Variants in RAB27A observed in about 807,000 individuals in gnomAD.
The protein encoded by RAB27A is RAB27A, member RAS oncogene family.
A neutral mutation model predicts 20.8 loss-of-function variants in RAB27A; 17 were observed. That is an observed-to-expected ratio of 0.82 (90% CI 0.56 to 1.23). The LOEUF (loss-of-function observed/expected upper bound fraction) is 1.23. RAB27A is among the 50% of genes most tolerant of loss of function. The pLI is 0.00. For missense variants in RAB27A, 277 were observed against 266.7 expected (o/e 1.04, Z -0.27); for synonymous variants, 85 against 92.8 (o/e 0.92, Z 0.48).
chr15:55,308,797 G>A (rs549195778), intron 2 of RAB27A, among the ~76,000 whole-genome samples: 52 of 152,284 alleles, frequency 3.4e-4, no homozygotes, highest in African/African-American at 1.1e-3. Flanking sequence ...TCAGTATGCC[G>A]TTCACATCAT....
chr15:55,218,079 G>T (rs935211596), intron 6 of RAB27A, among the ~76,000 whole-genome samples: 2 of 152,182 alleles, frequency 1.3e-5, no homozygotes, highest in African/African-American at 4.8e-5. Flanking sequence ...CTAAATCTCA[G>T]TTAGAGGTTG....
At chr15:55,217,145 C>G (rs2140937751) in intron 6 of RAB27A, among the ~76,000 whole-genome samples, 1 of 152,312 alleles carries the variant, frequency 6.6e-6, no homozygotes, top group Non-Finnish European at 1.5e-5. Context: ...ACCTCTAGGT[C>G]ATGGGACCAG....
At chr15:55,295,856 A>G (rs1051109068) in intron 2 of RAB27A, among the ~76,000 whole-genome samples, 2 of 151,578 alleles carry the variant, frequency 1.3e-5, no homozygotes, top group African/African-American at 2.4e-5. Flanking sequence ...ATTTTTTGTG[A>G]TGCAGATTTT....
intron 1 of RAB27A, among the ~76,000 whole-genome samples, chr15:55,280,604 A>G (rs1385792306): frequency 6.6e-6 from 1 of 151,182 alleles, no homozygotes; most frequent in Non-Finnish European, 1.5e-5. Context: ...GGTTTGCTGC[A>G]CCCATCAACT....
chr15:55,257,467 C>A (rs2141055679), intron 2 of RAB27A, among the ~76,000 whole-genome samples: 1 of 152,350 alleles, frequency 6.6e-6, no homozygotes, highest in South Asian at 2.1e-4. Flanking sequence ...CTCAATTACA[C>A]AGGACATGAT....
chr15:55,279,178 A>C (rs1298955695), intron 1 of RAB27A, among the ~76,000 whole-genome samples: 1 of 152,160 alleles, frequency 6.6e-6, no homozygotes, highest in Non-Finnish European at 1.5e-5. Context: ...CTCTTAATAA[A>C]GGCCCCCATG....
intron 2 of RAB27A, among the ~76,000 whole-genome samples, chr15:55,269,005 A>G (rs912648596): frequency 6.6e-6 from 1 of 152,210 alleles, no homozygotes; most frequent in African/African-American, 2.4e-5. Context: ...GGATGGCATG[A>G]AGAGACATAG....
intron 1 of RAB27A, among the ~76,000 whole-genome samples, chr15:55,314,683 A>G (rs946513990): frequency 2.0e-5 from 3 of 152,196 alleles, no homozygotes; most frequent in Admixed American, 6.5e-5. Context: ...AACAGAATAA[A>G]ATGCTTAGGG....
intron 6 of RAB27A, among the ~76,000 whole-genome samples, chr15:55,222,936 CACTTTAAT>C (rs1490537800): frequency 6.6e-6 from 1 of 152,184 alleles, no homozygotes; most frequent in Non-Finnish European, 1.5e-5. Flanking sequence ...GCACCCTTAA[CACTTTAAT>C]ACTTTAATAA....
chr15:55,238,733 C>T (rs1454190803), intron 2 of RAB27A, among the ~76,000 whole-genome samples: 1 of 139,540 alleles, frequency 7.2e-6, no homozygotes, highest in Non-Finnish European at 1.5e-5. Context: ...TCAAAGTGGT[C>T]GGCTGAGTCA....
In RAB27A at chr15:55,277,246, G is replaced by T. The variant is rs540814575; in HGVS notation, c.-142-6962C>A. Among the ~76,000 whole-genome samples the T allele has an allele frequency of 5.1e-4, 78 of 152,268 alleles. No individual in the cohort carries two copies. In the South Asian group the frequency reaches 0.016, roughly 30 times the overall value. On this transcript the variant is annotated intron_variant, in intron 1 of 6. Coordinates refer to ENST00000336787, the MANE Select transcript of RAB27A (RefSeq NM_183235.3). Reference sequence around the variant, plus strand: ...TTAGAGACTAGATGTATAAACTACTGCAAGACTTCAGTGGTTAACTCTGGA... The same window carrying T: ...TTAGAGACTAGATGTATAAACTACTTCAAGACTTCAGTGGTTAACTCTGGA...
upstream of RAB27A, among the ~76,000 whole-genome samples, chr15:55,293,825 G>T (rs991534147): frequency 2.0e-5 from 3 of 152,128 alleles, no homozygotes; most frequent in African/African-American, 7.2e-5. Flanking sequence ...GTTGAAGCGG[G>T]AGAATTGCTT....
chr15:55,216,104 C>T (rs1895290745), intron 6 of RAB27A, among the ~76,000 whole-genome samples: 1 of 152,170 alleles, frequency 6.6e-6, no homozygotes, highest in Non-Finnish European at 1.5e-5. Context: ...TCAGTATCTT[C>T]TTGTAATGAT....
intron 6 of RAB27A, among the ~76,000 whole-genome samples, chr15:55,214,240 T>G (rs187266702): frequency 6.6e-4 from 100 of 152,226 alleles, no homozygotes; most frequent in East Asian, 5.6e-3. Flanking sequence ...ATCGAGACCA[T>G]CCTGGCTAAC....
intron 3 of RAB27A, among the ~76,000 whole-genome samples, chr15:55,233,749 G>A (rs1371330452): frequency 2.0e-5 from 3 of 152,184 alleles, no homozygotes; most frequent in East Asian, 1.9e-4. Context: ...ACACAACTCC[G>A]AATATATTAA....
chr15:55,205,575 G>T lies in RAB27A; in HGVS notation c.598C>A (p.Arg200=). The T allele has an allele frequency of 6.2e-7, 1 of 1,614,022 alleles. No homozygotes were observed. The highest frequency in any genetic ancestry group is 1.1e-5 in the South Asian group (1 of 91,072). ...TCCGTAGAGGCATGACCATTTGATC[G>T]CACCACTCCTTCAGGAATCCAGGAC... ...DKSWIPEGVV[R]SNGHASTDQL... is the part of the protein sequence containing the mutation. Residue 200 remains arginine (R), a synonymous_variant, in exon 7 of 7, where the codon CGA becomes AGA. Coordinates refer to ENST00000336787, the MANE Select transcript of RAB27A (RefSeq NM_183235.3).
At chr15:55,212,250 A>G (rs1311906971) in intron 6 of RAB27A, among the ~76,000 whole-genome samples, 2 of 152,190 alleles carry the variant, frequency 1.3e-5, no homozygotes, top group Admixed American at 1.3e-4. Flanking sequence ...CCAATTCACA[A>G]TGCTAGAAAG....
At chr15:55,239,529 T>C (rs540272837) in intron 2 of RAB27A, among the ~76,000 whole-genome samples, 4 of 152,202 alleles carry the variant, frequency 2.6e-5, no homozygotes, top group East Asian at 1.9e-4. Context: ...CAGTAAAGGA[T>C]TGGGAGAAAG....
intron 1 of RAB27A, chr15:55,288,933 C>T (rs1224341257): frequency 3.3e-5 from 5 of 152,208 alleles, no homozygotes; most frequent in African/African-American, 1.2e-4. Flanking sequence ...CCCCCAATTC[C>T]AACATCTGAC....
Sources: allele counts gnomAD v4.1 joint callset (sites outside exome capture counted in the v4.1 genomes callset), GRCh38; gene constraint gnomAD v4.1.1; transcripts MANE v1.5; gene names NCBI Gene and HGNC (gene_info 2026-07-23, HGNC 2026-07-21).